Variants in IL1RAPL1 observed in about 807,000 individuals in gnomAD.
The protein encoded by IL1RAPL1 is interleukin-1 receptor accessory protein-like 1.
A neutral mutation model predicts 48.4 loss-of-function variants in IL1RAPL1; 3 were observed. The ratio of observed to expected loss-of-function variants is 0.06; its 90% CI spans 0.03 to 0.16. The LOEUF (loss-of-function observed/expected upper bound fraction) is 0.16, where lower values mean the gene tolerates loss of function less well. Ranked by LOEUF, IL1RAPL1 falls within the 10% of genes least tolerant of loss-of-function variation. IL1RAPL1 has a pLI of 1.00. For missense variants in IL1RAPL1, 349 were observed against 530.6 expected, an observed-to-expected ratio of 0.66 and a Z score of 3.36; for synonymous variants, 185 against 187.7, an observed-to-expected ratio of 0.99 and a Z score of 0.12.
intron 1 of IL1RAPL1, among the ~76,000 whole-genome samples, chrX:28,721,279 C>T (rs1377505579): frequency 5.4e-5 from 6 of 111,181 alleles, no homozygotes; most frequent in South Asian, 3.8e-4. Context: ...TTTTAATGAT[C>T]GCCATTCTAA....
At chrX:29,807,956 C>A (rs1930294604) in intron 6 of IL1RAPL1, among the ~76,000 whole-genome samples, 3 of 111,587 alleles carry the variant, frequency 2.7e-5, no homozygotes. Context: ...TAATAAGATA[C>A]AATCTTTCAC....
chrX:29,381,475 G>A (rs1474020559), intron 3 of IL1RAPL1, among the ~76,000 whole-genome samples: 1 of 60,664 alleles, frequency 1.6e-5, no homozygotes, highest in Non-Finnish European at 2.8e-5. Flanking sequence ...AGTAACATAG[G>A]GAGACCTCAT....
At chrX:29,258,772 C>A (rs937225918) in intron 2 of IL1RAPL1, among the ~76,000 whole-genome samples, 1 of 110,792 alleles carries the variant, frequency 9.0e-6, no homozygotes, top group African/African-American at 3.3e-5. Flanking sequence ...TTGGGTTTTG[C>A]TTTCCTTATT....
At chrX:29,009,259 C>T (rs1321971841) in intron 2 of IL1RAPL1, among the ~76,000 whole-genome samples, 1 of 111,440 alleles carries the variant, frequency 9.0e-6, no homozygotes, top group African/African-American at 3.3e-5. Context: ...ATGCTCACTA[C>T]CTAGGTGATA....
At chrX:28,950,580 T>C (rs1365650493) in intron 2 of IL1RAPL1, among the ~76,000 whole-genome samples, 1 of 102,238 alleles carries the variant, frequency 9.8e-6, no homozygotes, top group Non-Finnish European at 2.0e-5. Flanking sequence ...GAGCATGGAA[T>C]GTTCTTCCAT....
chrX:29,009,921 A>G (rs1378924984), intron 2 of IL1RAPL1, among the ~76,000 whole-genome samples: 6 of 111,899 alleles, frequency 5.4e-5, no homozygotes, highest in Admixed American at 9.5e-5. Flanking sequence ...TGTATCATCT[A>G]TGATATTTTA....
chrX:29,646,728 T>G (rs1298319164), intron 5 of IL1RAPL1, among the ~76,000 whole-genome samples: 4 of 98,785 alleles, frequency 4.0e-5, no homozygotes, highest in Non-Finnish European at 8.3e-5. Context: ...AAAAAGAAAA[T>G]AAAGGGAGTT....
At chrX:29,704,685 A>G (rs1488630935) in intron 6 of IL1RAPL1, among the ~76,000 whole-genome samples, 2 of 111,544 alleles carry the variant, frequency 1.8e-5, no homozygotes, top group Non-Finnish European at 3.8e-5. Flanking sequence ...AAAAGAAAAA[A>G]AAGAAATAGA....
chrX:28,713,040 GTCTA>G (rs1935459375), intron 1 of IL1RAPL1, among the ~76,000 whole-genome samples: 1 of 110,578 alleles, frequency 9.0e-6, no homozygotes, highest in Non-Finnish European at 1.9e-5. Context: ...AAAAATAGTT[GTCTA>G]TTGAAAATAT....
rs140535275 is a variant in IL1RAPL1 at position 28,926,489 on chromosome X, G to A, written c.82+137064G>A. 3.5e-3 allele frequency among the ~76,000 whole-genome samples: 387 copies of A among 109,363 alleles called. 1 individual carries two copies. Among genetic ancestry groups the A allele is most frequent in the African/African-American group, 0.012 (347 of 29,927 alleles). 95.0% of individuals were successfully genotyped at this position (109,363 alleles called of 115,157 possible). ...TACATTCCTTGTCATTAAAAAAGTGGTCAGCACAAGGAAAAAAAAAACATA... is the reference window on the plus strand; with the variant it reads ...TACATTCCTTGTCATTAAAAAAGTGATCAGCACAAGGAAAAAAAAAACATA... On this transcript the variant is annotated intron_variant, in intron 2 of 10. Coordinates refer to ENST00000378993, the MANE Select transcript of IL1RAPL1 (RefSeq NM_014271.4).
intron 2 of IL1RAPL1, among the ~76,000 whole-genome samples, chrX:29,145,335 C>A (rs61038626): frequency 0.27 from 30,495 of 110,938 alleles, 3,895 homozygotes; most frequent in African/African-American, 0.49. Flanking sequence ...GTCCACAAAT[C>A]ATCTTATTAT....
At chrX:29,916,787 C>T (rs1932803015) in intron 6 of IL1RAPL1, among the ~76,000 whole-genome samples, 2 of 111,802 alleles carry the variant, frequency 1.8e-5, no homozygotes, top group South Asian at 7.5e-4. Context: ...CTGTATTCAC[C>T]ACTAAAACAT....
At chrX:29,559,873 C>A (rs1369739677) in intron 5 of IL1RAPL1, among the ~76,000 whole-genome samples, 2 of 111,053 alleles carry the variant, frequency 1.8e-5, no homozygotes, top group Non-Finnish European at 3.8e-5. Flanking sequence ...ATTATTAAGG[C>A]TCTAGTTATT....
chrX:29,856,317 A>T (rs896452583), intron 6 of IL1RAPL1, among the ~76,000 whole-genome samples: 2 of 111,816 alleles, frequency 1.8e-5, no homozygotes, highest in African/African-American at 6.5e-5. Flanking sequence ...ACAGACTAAG[A>T]TTACTTAAAT....
intron 2 of IL1RAPL1, among the ~76,000 whole-genome samples, chrX:29,019,591 A>G (rs1013977603): frequency 9.0e-6 from 1 of 111,256 alleles, no homozygotes; most frequent in African/African-American, 3.3e-5. Context: ...TGGGGTGACA[A>G]TGGGGATAAA....
chrX:28,840,581 A>G (rs1921343936), intron 2 of IL1RAPL1, among the ~76,000 whole-genome samples: 1 of 111,377 alleles, frequency 9.0e-6, no homozygotes, highest in African/African-American at 3.2e-5. Flanking sequence ...ATGTACAATT[A>G]ATTTAATTGA....
intron 5 of IL1RAPL1, among the ~76,000 whole-genome samples, chrX:29,484,199 G>A: frequency 9.0e-6 from 1 of 111,290 alleles, no homozygotes; most frequent in Non-Finnish European, 1.9e-5. Context: ...TTTCAAAAAA[G>A]TTTATTCAGC....
chrX:29,518,079 A>T (rs1206369867), intron 5 of IL1RAPL1, among the ~76,000 whole-genome samples: 1 of 110,840 alleles, frequency 9.0e-6, no homozygotes, highest in Non-Finnish European at 1.9e-5. Context: ...CATTCAACAA[A>T]TTTTTTTTGA....
intron 2 of IL1RAPL1, among the ~76,000 whole-genome samples, chrX:28,825,037 T>C (rs1027114377): frequency 1.8e-5 from 2 of 111,424 alleles, no homozygotes; most frequent in Non-Finnish European, 3.8e-5. Flanking sequence ...TCCAGGAGGA[T>C]ATGTTCCACT....
Sources: allele counts gnomAD v4.1 joint callset (sites outside exome capture counted in the v4.1 genomes callset), GRCh38; gene constraint gnomAD v4.1.1; transcripts MANE v1.5; gene names NCBI Gene and HGNC (gene_info 2026-07-23, HGNC 2026-07-21).